SPIN1: variants seen among roughly 807,000 people sequenced by gnomAD.
The protein encoded by SPIN1 is spindlin 1.
SPIN1 carries 3 observed loss-of-function variants against 26.0 expected under a neutral mutation model. That is an observed-to-expected ratio of 0.12 (90% CI 0.05 to 0.30). The LOEUF (loss-of-function observed/expected upper bound fraction) is 0.30. Among genes scored for constraint, SPIN1 ranks in the 10% least tolerant of loss-of-function variants. SPIN1 has a pLI of 1.00. For synonymous variants in SPIN1, 101 were observed against 116.5 expected (o/e 0.87, Z 0.86); for missense variants, 126 against 333.4 (o/e 0.38, Z 4.84).
At chr9:88,391,584 A>T (rs1331791230) in intron 1 of SPIN1, 1 of 151,150 alleles carries the variant, frequency 6.6e-6, no homozygotes, top group Non-Finnish European at 1.5e-5. Flanking sequence ...CAGCGTTCTT[A>T]CTTCTACTCC....
intron 2 of SPIN1, 97 bp from the exon 3 acceptor site, chr9:88,448,844 T>G: frequency 9.2e-7 from 1 of 1,086,270 alleles, no homozygotes; most frequent in Non-Finnish European, 1.4e-6. Context: ...TTTCTTTTCA[T>G]ATTCTGTATA....
At chr9:88,467,598 G>A (rs560375827) in intron 4 of SPIN1, among the ~76,000 whole-genome samples, 101 of 152,244 alleles carry the variant, frequency 6.6e-4, no homozygotes, top group African/African-American at 2.4e-3. Context: ...CAAGGAGGAA[G>A]ATGGGAAACC....
chr9:88,476,460 A>G lies in SPIN1; in HGVS notation c.*1183A>G, dbSNP rs1209242688. 1.3e-5 allele frequency: 2 copies of G among 152,248 alleles called. No individual in the cohort carries two copies. The highest frequency in any genetic ancestry group is 1.3e-4 in the Admixed American group (2 of 15,272). The allele number at this position is 152,248 out of a possible 1,614,324, so 9.4% of individuals were successfully genotyped here. A position where few individuals can be genotyped will look rare whatever the true frequency, so the allele number is the denominator to read the frequency against. On this transcript the variant is annotated 3_prime_UTR_variant, in exon 6 of 6. Coordinates refer to ENST00000375859, the MANE Select transcript of SPIN1 (RefSeq NM_006717.3). ...TTCCTCACAAAGAATGTCTAGACAA[A>G]CAGCAGCTTAGTCTCCTGACACCTC...
chr9:88,408,574 A>C (rs1827363039), intron 1 of SPIN1, among the ~76,000 whole-genome samples: 2 of 149,740 alleles, frequency 1.3e-5, no homozygotes, highest in African/African-American at 2.5e-5. Flanking sequence ...ACAGGGTTTC[A>C]CCATGTTGGG....
At chr9:88,443,135 C>A (rs12342080) in intron 2 of SPIN1, among the ~76,000 whole-genome samples, 23,804 of 138,590 alleles carry the variant, frequency 0.17, 2,530 homozygotes, top group African/African-American at 0.33. Context: ...AAAAAAAAAA[C>A]AAAAAAAAAC....
At chr9:88,448,521 G>GT (rs111814579) in intron 2 of SPIN1, among the ~76,000 whole-genome samples, 12,080 of 151,494 alleles carry the variant, frequency 0.08, 1,531 homozygotes, top group African/African-American at 0.27. Flanking sequence ...TTGGCTTGTT[G>GT]TTTTTTTTGT....
intron 2 of SPIN1, among the ~76,000 whole-genome samples, chr9:88,435,185 C>T (rs1312917217): frequency 2.0e-5 from 3 of 151,644 alleles, no homozygotes; most frequent in East Asian, 1.9e-4. Context: ...TGCCCTCCAT[C>T]GACTCTGTAT....
chr9:88,395,415 G>A (rs1007164695), intron 1 of SPIN1, among the ~76,000 whole-genome samples: 6 of 152,082 alleles, frequency 3.9e-5, no homozygotes, highest in African/African-American at 7.2e-5. Flanking sequence ...ATTGAAGTGC[G>A]TGCTTGCAAC....
Position 88,410,310 on chromosome 9 carries a change from CAAAA to C in SPIN1, c.-158-16071_-158-16068del, listed in dbSNP as rs1357965140. 2.6e-5 allele frequency among the ~76,000 whole-genome samples: 4 copies of C among 151,968 alleles called. No individual in the cohort carries two copies. The East Asian group carries it at 7.7e-4, about 29-fold the overall frequency. On this transcript the variant is annotated intron_variant, in intron 1 of 5. Coordinates refer to ENST00000375859, the MANE Select transcript of SPIN1 (RefSeq NM_006717.3). ...AAACCTTTTGTTGGAATGCTTTAAACAAAAGAACAGAAACTAAAATAACCTGTTA... is the reference window on the plus strand; with the variant it reads ...AAACCTTTTGTTGGAATGCTTTAAACGAACAGAAACTAAAATAACCTGTTA...
intron 1 of SPIN1, among the ~76,000 whole-genome samples, chr9:88,388,969 G>C (rs1826854078): frequency 6.6e-6 from 1 of 151,204 alleles, no homozygotes; most frequent in African/African-American, 2.4e-5. Context: ...CAGGCGGGGA[G>C]GGGGAACGTT....
chr9:88,420,303 A>G (rs1195405741), intron 1 of SPIN1, among the ~76,000 whole-genome samples: 1 of 152,238 alleles, frequency 6.6e-6, no homozygotes, highest in Non-Finnish European at 1.5e-5. Context: ...TGAACCTGGG[A>G]GGCGGAGGTT....
At chr9:88,443,457 G>A (rs1828181819) in intron 2 of SPIN1, among the ~76,000 whole-genome samples, 1 of 152,116 alleles carries the variant, frequency 6.6e-6, no homozygotes, top group African/African-American at 2.4e-5. Flanking sequence ...ATTCTTTCAT[G>A]TTGTCTGTAT....
intron 1 of SPIN1, among the ~76,000 whole-genome samples, chr9:88,389,712 CT>C (rs918090772): frequency 1.3e-5 from 2 of 152,176 alleles, no homozygotes; most frequent in African/African-American, 4.8e-5. Context: ...CCTGTCTTAA[CT>C]TTTTTTCTAT....
chr9:88,447,059 G>T lies in SPIN1; in HGVS notation c.53-1882G>T, dbSNP rs141172615. ...TTCCGCTTTCCTATGTGTTAGGCCA[G>T]TTGATATTGTCCTAAAGGTCACTGA... On this transcript the variant is annotated intron_variant, in intron 2 of 5. Transcript: ENST00000375859. 9.2e-5 allele frequency among the ~76,000 whole-genome samples: 14 copies of T among 152,220 alleles called. No homozygotes were observed. The East Asian group carries it at 2.7e-3, about 29-fold the overall frequency.
At chr9:88,390,411 T>G (rs2119020694) in intron 1 of SPIN1, among the ~76,000 whole-genome samples, 1 of 152,332 alleles carries the variant, frequency 6.6e-6, no homozygotes, top group Non-Finnish European at 1.5e-5. Context: ...ACTAATTTGG[T>G]TTTAGCTGCC....
intron 3 of SPIN1, among the ~76,000 whole-genome samples, chr9:88,456,223 T>A (rs1828469293): frequency 6.6e-6 from 1 of 152,162 alleles, no homozygotes. Context: ...AGATAGAAAA[T>A]AATACTTCAT....
chr9:88,388,787 C>G (rs1334040043), intron 1 of SPIN1, among the ~76,000 whole-genome samples: 1 of 150,210 alleles, frequency 6.7e-6, no homozygotes, highest in African/African-American at 2.4e-5. Flanking sequence ...TCCTCCGTGC[C>G]CCCATCCCCG....
chr9:88,398,692 C>T (rs1279163970), intron 1 of SPIN1, among the ~76,000 whole-genome samples: 2 of 152,022 alleles, frequency 1.3e-5, no homozygotes, highest in Non-Finnish European at 2.9e-5. Context: ...TCTCCTGCCT[C>T]AGCCTCCTGA....
At chr9:88,433,848 C>T (rs73652557) in intron 2 of SPIN1, among the ~76,000 whole-genome samples, 3,154 of 151,846 alleles carry the variant, frequency 0.021, 114 homozygotes, top group African/African-American at 0.072. Flanking sequence ...CACTTAATGT[C>T]ATCCATAAGT....
Sources: gnomAD v4.1 joint callset for allele counts (sites outside exome capture counted in the v4.1 genomes callset) on GRCh38, gnomAD v4.1.1 for gene constraint, MANE v1.5 for transcripts, NCBI Gene and HGNC (gene_info 2026-07-23, HGNC 2026-07-21) for gene names.